RNF186: variants seen among roughly 807,000 people sequenced by gnomAD.
The protein encoded by RNF186 is ring finger protein 186, also known as E3 ubiquitin-protein ligase RNF186.
For synonymous variants in RNF186, 152 were observed against 133.5 expected, an observed-to-expected ratio of 1.14 and a Z score of -0.96; for missense variants, 298 against 298.5, an observed-to-expected ratio of 1.00 and a Z score of 0.01.
rs755783405 is a variant in RNF186, at chr1:19,815,113, G to A, written c.-12C>T. 3.1e-6 allele frequency: 5 copies of A among 1,605,408 alleles called. No individual in the cohort carries two copies. The highest frequency in any genetic ancestry group is 4.3e-6 in the Non-Finnish European group (5 of 1,174,134). ...TTGGTGCAGGCCATTCTGGGCACAGGGACCGGTGGGACACTGTCGCTCAGC... is the reference window on the plus strand; with the variant it reads ...TTGGTGCAGGCCATTCTGGGCACAGAGACCGGTGGGACACTGTCGCTCAGC... On this transcript the variant is annotated 5_prime_UTR_variant, in exon 1 of 1. Transcript: ENST00000375121.
chr1:19,814,374 C>T lies in RNF186; in HGVS notation c.*44G>A, dbSNP rs755488261. 1.6e-5 allele frequency: 25 copies of T among 1,570,920 alleles called. No individual in the cohort carries two copies. Among genetic ancestry groups the T allele is most frequent in the Non-Finnish European group, 2.1e-5 (24 of 1,152,192 alleles). ...CTGTTCATTGTGGAAGTCCGGGGGC[C>T]CAAGGGCAGAAAGGGCTGCAGGGAT... On this transcript the variant is annotated 3_prime_UTR_variant, in exon 1 of 1. Transcript: ENST00000375121. This position sits in a 1 kb window ranked among gnomAD's most constrained non-coding sequence, Gnocchi z 4.7.
rs778965884 is a variant in RNF186 at position 19,814,601 on chromosome 1, G to A, written c.501C>T (p.Ile167=). Residue 167 remains isoleucine (I), a synonymous_variant, in exon 1 of 1, where the codon ATC becomes ATT. Transcript: ENST00000375121. This position sits in a 1 kb window ranked among gnomAD's most constrained non-coding sequence, Gnocchi z 4.7. Reference sequence around the variant, plus strand: ...CCGGGTAGATGAAGGGCCCGATGAGGATAATGAGCAAGGCCAGCAGGAGTA... The same window carrying A: ...CCGGGTAGATGAAGGGCCCGATGAGAATAATGAGCAAGGCCAGCAGGAGTA... ...AHLLLLALLI[I]LIGPFIYPGV... 3 of 1,614,214 alleles carry A rather than the reference G, an allele frequency of 1.9e-6. No individual in the cohort carries two copies. Among genetic ancestry groups the A allele is most frequent in the South Asian group, 1.1e-5 (1 of 91,082 alleles).
rs2044694210 is a variant in RNF186, at chr1:19,814,068, A to C, written c.*350T>G. 4.9e-6 allele frequency: 1 copy of C among 205,086 alleles called. No homozygotes were observed. The highest frequency in any genetic ancestry group is 2.3e-5 in the African/African-American group (1 of 43,428). The allele number at this position is 205,086 out of a possible 1,614,324, so 12.7% of individuals were successfully genotyped here. On this transcript the variant is annotated 3_prime_UTR_variant, in exon 1 of 1. Coordinates refer to ENST00000375121, the MANE Select transcript of RNF186 (RefSeq NM_019062.2). The surrounding 1 kb of genome is among the most constrained non-coding windows in gnomAD (Gnocchi z 4.7). ...AATGGAATTCCAGTTCTATTCTACA[A>C]TGGCATCAATACTGCAATACTTTCA...
Position 19,815,143 on chromosome 1 carries a change from G to A in RNF186, c.-42C>T. 3.8e-6 allele frequency: 6 copies of A among 1,561,266 alleles called. No individual in the cohort carries two copies. The Admixed American group carries it at 5.2e-5, about 13-fold the overall frequency. ...GGTGGGACACTGTCGCTCAGCACCT[G>A]GGCATTGGCAGAGAGTGTCAGCTGG... On this transcript the variant is annotated 5_prime_UTR_variant, in exon 1 of 1. Transcript: ENST00000375121.
Position 19,815,277 on chromosome 1 carries a change from T to C in RNF186, c.-176A>G. On this transcript the variant is annotated 5_prime_UTR_variant, in exon 1 of 1. Coordinates refer to ENST00000375121, the MANE Select transcript of RNF186 (RefSeq NM_019062.2). ...CTCCCAGAGCTGCCCAGCTTGTTTCTTGGCTTACGTCGTCCCTTCAGTTAT... is the reference window on the plus strand; with the variant it reads ...CTCCCAGAGCTGCCCAGCTTGTTTCCTGGCTTACGTCGTCCCTTCAGTTAT... 6 of 617,220 alleles carry C rather than the reference T, an allele frequency of 9.7e-6. No homozygotes were observed. The highest frequency in any genetic ancestry group is 1.8e-5 in the Non-Finnish European group (6 of 341,754). The allele number at this position is 617,220 out of a possible 1,614,324, so 38.2% of individuals were successfully genotyped here.
At position 19,815,269 on chromosome 1, in the gene RNF186, C is replaced by G; in HGVS notation, c.-168G>C. On this transcript the variant is annotated 5_prime_UTR_variant, in exon 1 of 1. Transcript: ENST00000375121. ...ACTCCTCTCTCCCAGAGCTGCCCAG[C>G]TTGTTTCTTGGCTTACGTCGTCCCT... The G allele has an allele frequency of 3.2e-6, 2 of 624,096 alleles. No homozygotes were observed. Among genetic ancestry groups the G allele is most frequent in the Non-Finnish European group, 2.9e-6 (1 of 347,440 alleles). The allele number at this position is 624,096 out of a possible 1,614,324, so 38.7% of individuals were successfully genotyped here.
chr1:19,814,793 C>G lies in RNF186; in HGVS notation c.309G>C (p.Glu103Asp). 1 of 1,614,050 alleles carries G rather than the reference C, an allele frequency of 6.2e-7. No homozygotes were observed. The highest frequency in any genetic ancestry group is 1.3e-5 in the African/African-American group (1 of 75,070). ...GGLICSLRDHEAVVGQLAQPC... is the reference protein window; with the variant it reads ...GGLICSLRDHDAVVGQLAQPC... ...GCTGGGCCAGCTGCCCCACCACCGC[C>G]TCATGGTCGCGCAGGCTGCAGATGA... is the stretch of plus-strand genomic sequence containing the variant. The change falls in exon 1 of 1, where the codon GAG becomes GAC. Residue 103 changes from glutamate to aspartate, a missense_variant. Coordinates refer to ENST00000375121, the MANE Select transcript of RNF186 (RefSeq NM_019062.2). This position sits in a 1 kb window ranked among gnomAD's most constrained non-coding sequence, Gnocchi z 4.7.
Position 19,814,592 on chromosome 1 carries a change from C to A in RNF186, c.510G>T (p.Gly170=), listed in dbSNP as rs752664886. The change falls in exon 1 of 1, where the codon GGG becomes GGT. Residue 170 remains glycine (G), a synonymous_variant. Transcript: ENST00000375121. The surrounding 1 kb of genome is among the most constrained non-coding windows in gnomAD (Gnocchi z 4.7). ...GTAAGACACCCGGGTAGATGAAGGGCCCGATGAGGATAATGAGCAAGGCCA... is the reference window on the plus strand; with the variant it reads ...GTAAGACACCCGGGTAGATGAAGGGACCGATGAGGATAATGAGCAAGGCCA... ...LLLALLIILI[G]PFIYPGVLRW... The A allele has an allele frequency of 6.2e-7, 1 of 1,614,156 alleles. No individual in the cohort carries two copies. The highest frequency in any genetic ancestry group is 2.2e-5 in the East Asian group (1 of 44,878).
rs1262268502 is a variant in RNF186, at chr1:19,814,707, C to T, written c.395G>A (p.Gly132Glu). The T allele has an allele frequency of 1.2e-6, 2 of 1,614,178 alleles. No homozygotes were observed. The highest frequency in any genetic ancestry group is 1.7e-6 in the Non-Finnish European group (2 of 1,180,032). The change falls in exon 1 of 1, where the codon GGA (glycine) becomes GAA (glutamate). Residue 132 changes from glycine (G) to glutamate (E), a missense_variant. Coordinates refer to ENST00000375121, the MANE Select transcript of RNF186 (RefSeq NM_019062.2). The surrounding 1 kb of genome is among the most constrained non-coding windows in gnomAD (Gnocchi z 4.7). ...GLVDPADLAAGHPSLVGEDGQ... is the reference protein window; with the variant it reads ...GLVDPADLAAEHPSLVGEDGQ... ...ATCCTCTCCCACCAAGCTGGGGTGT[C>T]CTGCTGCCAAGTCAGCAGGATCCAC...
rs1382569448 is a variant in RNF186, at chr1:19,814,274, T to C, written c.*144A>G. On this transcript the variant is annotated 3_prime_UTR_variant, in exon 1 of 1. Coordinates refer to ENST00000375121, the MANE Select transcript of RNF186 (RefSeq NM_019062.2). This position sits in a 1 kb window ranked among gnomAD's most constrained non-coding sequence, Gnocchi z 4.7. ...TGTAATTCTTGACCCAGGCTGGCCA[T>C]CTCGGTTGTGGCTTGCAAGTCCCGC... The C allele has an allele frequency of 4.0e-6, 3 of 745,140 alleles. No individual in the cohort carries two copies. The highest frequency in any genetic ancestry group is 6.5e-6 in the Non-Finnish European group (3 of 460,528). The allele number at this position is 745,140 out of a possible 1,614,324, so 46.2% of individuals were successfully genotyped here. A position where few individuals can be genotyped will look rare whatever the true frequency, so the allele number is the denominator to read the frequency against.
rs1350669916 is a variant in RNF186, at chr1:19,814,319, G to A, written c.*99C>T. The A allele has an allele frequency of 1.1e-5, 13 of 1,139,200 alleles. No individual in the cohort carries two copies. The highest frequency in any genetic ancestry group is 1.6e-5 in the African/African-American group (1 of 64,348). The allele number at this position is 1,139,200 out of a possible 1,614,324, so 70.6% of individuals were successfully genotyped here. Reference sequence around the variant, plus strand: ...TCCCGCTGGCATGTGATTTCCCAAAGGAGCCAGTCTTAGTCCGTAACCCCT... The same window carrying A: ...TCCCGCTGGCATGTGATTTCCCAAAAGAGCCAGTCTTAGTCCGTAACCCCT... On this transcript the variant is annotated 3_prime_UTR_variant, in exon 1 of 1. Coordinates refer to ENST00000375121, the MANE Select transcript of RNF186 (RefSeq NM_019062.2). The surrounding 1 kb of genome is among the most constrained non-coding windows in gnomAD (Gnocchi z 4.7).
Position 19,814,966 on chromosome 1 carries a change from G to T in RNF186, c.136C>A (p.Pro46Thr), listed in dbSNP as rs1476562653. 6.2e-7 allele frequency: 1 copy of T among 1,613,850 alleles called. No homozygotes were observed. Among genetic ancestry groups the T allele is most frequent in the Non-Finnish European group, 8.5e-7 (1 of 1,180,046 alleles). ...TTGGGCAACCGGGGACAGCTGTAGG[G>T]CTCCCGGCACACCAGACACTCCAGG... ...CDLECLVCRE[P>T]YSCPRLPKLL... The change falls in exon 1 of 1, where the codon CCC becomes ACC. Residue 46 changes from proline to threonine, a missense_variant. By Grantham distance (38) the Pro-to-Thr change is conservative. Coordinates refer to ENST00000375121, the MANE Select transcript of RNF186 (RefSeq NM_019062.2). This position sits in a 1 kb window ranked among gnomAD's most constrained non-coding sequence, Gnocchi z 4.7.
rs781750387 is a variant in RNF186, at chr1:19,814,761, G to A, written c.341C>T (p.Thr114Ile). The A allele has an allele frequency of 4.3e-6, 7 of 1,614,002 alleles. No homozygotes were observed. Among genetic ancestry groups the A allele is most frequent in the African/African-American group, 1.3e-5 (1 of 74,928 alleles). Residue 114 changes from threonine to isoleucine, a missense_variant, in exon 1 of 1, where the codon ACA becomes ATA. Coordinates refer to ENST00000375121, the MANE Select transcript of RNF186 (RefSeq NM_019062.2). This position sits in a 1 kb window ranked among gnomAD's most constrained non-coding sequence, Gnocchi z 4.7. ...CCCCTGAGGACAGAGCGATACCTCTGTGCATGGCTGGGCCAGCTGCCCCAC... is the reference window on the plus strand; with the variant it reads ...CCCCTGAGGACAGAGCGATACCTCTATGCATGGCTGGGCCAGCTGCCCCAC... Reference protein sequence around the residue: ...AVVGQLAQPCTEVSLCPQGLV... With the variant: ...AVVGQLAQPCIEVSLCPQGLV...
rs1329466018 is a variant in RNF186 at position 19,815,141 on chromosome 1, C to G, written c.-40G>C. 2.6e-6 allele frequency: 4 copies of G among 1,568,118 alleles called. No homozygotes were observed. The African/African-American group carries it at 5.4e-5, about 21-fold the overall frequency. On this transcript the variant is annotated 5_prime_UTR_variant, in exon 1 of 1. Transcript: ENST00000375121. ...CCGGTGGGACACTGTCGCTCAGCAC[C>G]TGGGCATTGGCAGAGAGTGTCAGCT...
At position 19,814,341 on chromosome 1, in the gene RNF186, C is replaced by T. The variant is rs2101234857; in HGVS notation, c.*77G>A. 5 of 1,377,532 alleles carry T rather than the reference C, an allele frequency of 3.6e-6. No individual in the cohort carries two copies. The highest frequency in any genetic ancestry group is 5.0e-6 in the Non-Finnish European group (5 of 999,860). 85.3% of individuals were successfully genotyped at this position (1,377,532 alleles called of 1,614,324 possible). On this transcript the variant is annotated 3_prime_UTR_variant, in exon 1 of 1. Coordinates refer to ENST00000375121, the MANE Select transcript of RNF186 (RefSeq NM_019062.2). The surrounding 1 kb of genome is among the most constrained non-coding windows in gnomAD (Gnocchi z 4.7). Reference sequence around the variant, plus strand: ...AAAGGAGCCAGTCTTAGTCCGTAACCCCTTACCCTGTTCATTGTGGAAGTC... The same window carrying T: ...AAAGGAGCCAGTCTTAGTCCGTAACTCCTTACCCTGTTCATTGTGGAAGTC...
chr1:19,814,381 C>A lies in RNF186; in HGVS notation c.*37G>T. Reference sequence around the variant, plus strand: ...TTGTGGAAGTCCGGGGGCCCAAGGGCAGAAAGGGCTGCAGGGATAGCCTCA... The same window carrying A: ...TTGTGGAAGTCCGGGGGCCCAAGGGAAGAAAGGGCTGCAGGGATAGCCTCA... On this transcript the variant is annotated 3_prime_UTR_variant, in exon 1 of 1. Transcript: ENST00000375121. This position sits in a 1 kb window ranked among gnomAD's most constrained non-coding sequence, Gnocchi z 4.7. 6.3e-7 allele frequency: 1 copy of A among 1,585,856 alleles called. No individual in the cohort carries two copies. Among genetic ancestry groups the A allele is most frequent in the Non-Finnish European group, 8.6e-7 (1 of 1,161,924 alleles).
rs141053133 is a variant in RNF186, at chr1:19,814,298, G to A, written c.*120C>T. ...ATCTCGGTTGTGGCTTGCAAGTCCC[G>A]CTGGCATGTGATTTCCCAAAGGAGC... On this transcript the variant is annotated 3_prime_UTR_variant, in exon 1 of 1. Coordinates refer to ENST00000375121, the MANE Select transcript of RNF186 (RefSeq NM_019062.2). The surrounding 1 kb of genome is among the most constrained non-coding windows in gnomAD (Gnocchi z 4.7). 2.5e-4 allele frequency: 233 copies of A among 935,852 alleles called. 1 individual carries two copies. In the African/African-American group the frequency reaches 3.1e-3, roughly 12 times the overall value. 58.0% of individuals were successfully genotyped at this position (935,852 alleles called of 1,614,324 possible).
At position 19,814,782 on chromosome 1, in the gene RNF186, C is replaced by T; in HGVS notation, c.320G>A (p.Gly107Glu). 2 of 1,614,012 alleles carry T rather than the reference C, an allele frequency of 1.2e-6. No homozygotes were observed. ...CTCTGTGCATGGCTGGGCCAGCTGCCCCACCACCGCCTCATGGTCGCGCAG... is the reference window on the plus strand; with the variant it reads ...CTCTGTGCATGGCTGGGCCAGCTGCTCCACCACCGCCTCATGGTCGCGCAG... Reference protein sequence around the residue: ...CSLRDHEAVVGQLAQPCTEVS... With the variant: ...CSLRDHEAVVEQLAQPCTEVS... The change falls in exon 1 of 1, where the codon GGG becomes GAG. Residue 107 changes from glycine (G) to glutamate (E), a missense_variant. Coordinates refer to ENST00000375121, the MANE Select transcript of RNF186 (RefSeq NM_019062.2). This position sits in a 1 kb window ranked among gnomAD's most constrained non-coding sequence, Gnocchi z 4.7.
rs2044699314 is a variant in RNF186 at position 19,814,541 on chromosome 1, G to A, written c.561C>T (p.Ala187=). The A allele has an allele frequency of 1.9e-6, 3 of 1,614,186 alleles. No homozygotes were observed. Among genetic ancestry groups the A allele is most frequent in the South Asian group, 1.1e-5 (1 of 91,068 alleles). The part of the protein sequence containing the change: ...VLRWVLTFII[A]LALLMSTLFC... ...AGAGGGTGGACATCAGCAGGGCCAG[G>A]GCGATGATGAAGGTGAGCACCCATC... is the stretch of plus-strand genomic sequence containing the variant. The change falls in exon 1 of 1, where the codon GCC becomes GCT. Residue 187 remains alanine (A), a synonymous_variant. Coordinates refer to ENST00000375121, the MANE Select transcript of RNF186 (RefSeq NM_019062.2). This position sits in a 1 kb window ranked among gnomAD's most constrained non-coding sequence, Gnocchi z 4.7.
Sources: gnomAD v4.1 joint callset for allele counts on GRCh38, gnomAD v4.1.1 for gene constraint, Gnocchi (gnomAD v3.1) non-coding constraint, MANE v1.5 for transcripts, NCBI Gene and HGNC (gene_info 2026-07-23, HGNC 2026-07-21) for gene names.